TRHDE: variants seen among roughly 807,000 people sequenced by gnomAD.
TRHDE encodes the protein thyrotropin releasing hormone degrading enzyme.
In TRHDE, 72 loss-of-function variants were observed where a neutral mutation model predicts 125.7. The ratio of observed to expected loss-of-function variants is 0.57; its 90% CI spans 0.47 to 0.70. The LOEUF is 0.70. Ranked by LOEUF, TRHDE falls within the 30% of genes least tolerant of loss-of-function variation. The pLI, the probability that TRHDE is intolerant of heterozygous loss-of-function variation, is 0.00. For synonymous variants in TRHDE, 509 were observed against 509.1 expected (o/e 1.00, Z 0.00); for missense variants, 1,110 against 1,327.1 (o/e 0.84, Z 2.54).
chr12:72,316,583 T>C (rs974303388), intron 2 of TRHDE, among the ~76,000 whole-genome samples: 1 of 152,190 alleles, frequency 6.6e-6, no homozygotes, highest in East Asian at 1.9e-4. Flanking sequence ...CTGTCCTGCC[T>C]TTTACCCCAT....
chr12:72,404,830 C>G lies in TRHDE; in HGVS notation c.1315+26709C>G, dbSNP rs1873199843. On this transcript the variant is annotated intron_variant, in intron 3 of 18. Coordinates refer to ENST00000261180, the MANE Select transcript of TRHDE (RefSeq NM_013381.3). Reference sequence around the variant, plus strand: ...AGTATGCGGGTTAAAAGTCTTACCTCTGCTACTTCTGAGATATGTAACCAT... The same window carrying G: ...AGTATGCGGGTTAAAAGTCTTACCTGTGCTACTTCTGAGATATGTAACCAT... Among the ~76,000 whole-genome samples, 3 of 152,146 alleles carry G rather than the reference C, an allele frequency of 2.0e-5. No homozygotes were observed. In the South Asian group the frequency reaches 6.2e-4, roughly 32 times the overall value.
intron 2 of TRHDE, among the ~76,000 whole-genome samples, chr12:72,122,242 T>C (rs1875599628): frequency 1.3e-5 from 2 of 152,180 alleles, no homozygotes; most frequent in Admixed American, 1.3e-4. Context: ...GCTTACCCAA[T>C]TGCAAAGGAT....
chr12:72,321,245 A>AG, intron 2 of TRHDE, among the ~76,000 whole-genome samples: 1 of 152,294 alleles, frequency 6.6e-6, no homozygotes, highest in East Asian at 1.9e-4. Context: ...AGATAACAGA[A>AG]GGGGGCAAAT....
chr12:72,140,004 A>C (rs1273896061), intron 2 of TRHDE: 1 of 152,232 alleles, frequency 6.6e-6, no homozygotes, highest in Admixed American at 6.5e-5. Flanking sequence ...GCTCTGAAAG[A>C]GATCGAAGTA....
chr12:72,174,721 A>G (rs1376342914), intron 2 of TRHDE, among the ~76,000 whole-genome samples: 3 of 152,210 alleles, frequency 2.0e-5, no homozygotes, highest in Admixed American at 2.0e-4. Context: ...AGAATACTAC[A>G]TAAATGATCC....
At chr12:72,197,275 C>T (rs1224620333) in intron 2 of TRHDE, among the ~76,000 whole-genome samples, 1 of 152,074 alleles carries the variant, frequency 6.6e-6, no homozygotes, top group African/African-American at 2.4e-5. Flanking sequence ...GAAGCCTTCC[C>T]ATTCTACTCC....
chr12:72,269,735 C>A (rs1025328524), upstream of TRHDE, among the ~76,000 whole-genome samples: 1 of 152,124 alleles, frequency 6.6e-6, no homozygotes, highest in African/African-American at 2.4e-5. Context: ...GTATTGTACT[C>A]AGGTGATGGA....
chr12:72,379,307 T>C (rs1371015119), intron 3 of TRHDE, among the ~76,000 whole-genome samples: 2 of 152,240 alleles, frequency 1.3e-5, no homozygotes, highest in East Asian at 1.9e-4. Context: ...TTTTGAAATA[T>C]GTACTTTTAG....
chr12:72,549,104 C>A (rs1404454202), intron 7 of TRHDE, among the ~76,000 whole-genome samples: 1 of 151,706 alleles, frequency 6.6e-6, no homozygotes. Flanking sequence ...CAATGTAAGG[C>A]AATGAGGTGT....
intron 3 of TRHDE, among the ~76,000 whole-genome samples, chr12:72,396,919 T>C (rs1872816967): frequency 6.6e-6 from 1 of 152,220 alleles, no homozygotes; most frequent in African/African-American, 2.4e-5. Flanking sequence ...CCTTGGTCTC[T>C]TCTTTTCTCT....
intron 3 of TRHDE, among the ~76,000 whole-genome samples, chr12:72,380,885 TCTTCCTTC>T (rs202006141): frequency 9.5e-5 from 14 of 146,620 alleles, no homozygotes; most frequent in Non-Finnish European, 1.7e-4. Context: ...CTTCTTTCTT[TCTTCCTTC>T]CTTCCTTCCT....
At chr12:72,171,571 C>A (rs1326768784) in intron 2 of TRHDE, among the ~76,000 whole-genome samples, 1 of 152,102 alleles carries the variant, frequency 6.6e-6, no homozygotes, top group Non-Finnish European at 1.5e-5. Context: ...GCCCAGATGT[C>A]CTGGTCCATT....
chr12:72,267,738 T>C (rs1412554235), upstream of TRHDE, among the ~76,000 whole-genome samples: 1 of 152,068 alleles, frequency 6.6e-6, no homozygotes, highest in Non-Finnish European at 1.5e-5. Context: ...GGTAAAAAGA[T>C]ATAATCAAAT....
At chr12:72,629,246 A>G (rs1363309522) in intron 15 of TRHDE, among the ~76,000 whole-genome samples, 2 of 151,826 alleles carry the variant, frequency 1.3e-5, no homozygotes, top group African/African-American at 4.8e-5. Context: ...TTTTTAAAAA[A>G]TTATATTACT....
In TRHDE at chr12:72,530,416, C is replaced by CTTTTT. The variant is rs71438816; in HGVS notation, c.1723-11856_1723-11852dup. Among the ~76,000 whole-genome samples, 501 of 68,416 alleles carry CTTTTT rather than the reference C, an allele frequency of 7.3e-3. 7 individuals are homozygous for CTTTTT. Among genetic ancestry groups the CTTTTT allele is most frequent in the Middle Eastern group, 0.023 (2 of 86 alleles). The allele number at this position is 68,416 out of a possible 152,430, so 44.9% of individuals were successfully genotyped here. A position where few individuals can be genotyped will look rare whatever the true frequency, so the allele number is the denominator to read the frequency against. On this transcript the variant is annotated intron_variant, in intron 6 of 18. Transcript: ENST00000261180. ...CTTTCTTCATTTTGTTTCCTAGAAGCTTTTTTTTTTTTTTTTTTTTTTTAA... is the reference window on the plus strand; with the variant it reads ...CTTTCTTCATTTTGTTTCCTAGAAGCTTTTTTTTTTTTTTTTTTTTTTTTTTTTAA...
intron 2 of TRHDE, among the ~76,000 whole-genome samples, chr12:72,179,803 G>T (rs1172447038): frequency 6.6e-6 from 1 of 152,202 alleles, no homozygotes; most frequent in East Asian, 1.9e-4. Context: ...TGTATATACA[G>T]TAAGCATTTG....
At chr12:72,349,164 A>G (rs2135738307) in intron 2 of TRHDE, among the ~76,000 whole-genome samples, 1 of 152,228 alleles carries the variant, frequency 6.6e-6, no homozygotes, top group Middle Eastern at 3.4e-3. Flanking sequence ...TTAGCTAAGC[A>G]TGCATTTCTG....
At chr12:72,644,391 C>T (rs899447939) in intron 15 of TRHDE, among the ~76,000 whole-genome samples, 2 of 152,160 alleles carry the variant, frequency 1.3e-5, no homozygotes, top group Admixed American at 1.3e-4. Context: ...AAGTCTAGCA[C>T]AATCTAGCCG....
At chr12:72,170,743 G>T (rs1876854796) in intron 2 of TRHDE, among the ~76,000 whole-genome samples, 1 of 152,150 alleles carries the variant, frequency 6.6e-6, no homozygotes, top group South Asian at 2.1e-4. Flanking sequence ...CTAATCTTGT[G>T]TGCATGTAGT....
Sources: allele counts gnomAD v4.1 joint callset (sites outside exome capture counted in the v4.1 genomes callset), GRCh38; gene constraint gnomAD v4.1.1; transcripts MANE v1.5; gene names NCBI Gene and HGNC (gene_info 2026-07-23, HGNC 2026-07-21).